The following GPM6A variants were observed in gnomAD, a reference collection of about 807,000 sequenced individuals.
GPM6A encodes the protein neuronal membrane glycoprotein M6-a.
Under a neutral mutation model 32.1 loss-of-function variants are expected in GPM6A, and 7 were observed. That is an observed-to-expected ratio of 0.22 (90% CI 0.12 to 0.41). The LOEUF is 0.41. GPM6A is among the 10% of genes least tolerant of loss of function. The pLI, the probability that GPM6A is intolerant of heterozygous loss-of-function variation, is 1.00. For missense variants in GPM6A, 235 were observed against 347.2 expected (o/e 0.68, Z 2.57); for synonymous variants, 130 against 123.4 (o/e 1.05, Z -0.35).
intron 1 of GPM6A, chr4:175,962,503 A>G (rs1179131795): frequency 7.1e-6 from 4 of 559,940 alleles, no homozygotes; most frequent in South Asian, 1.6e-5. Flanking sequence ...GCTGCCTATC[A>G]CTTCCCAGCA....
intron 2 of GPM6A, among the ~76,000 whole-genome samples, chr4:175,675,247 G>GTA (rs1482107859): frequency 2.0e-5 from 3 of 150,390 alleles, no homozygotes; most frequent in Non-Finnish European, 4.4e-5. Flanking sequence ...ATGTATATAT[G>GTA]TATATATATT....
At chr4:175,693,103 C>G (rs372382507) in intron 2 of GPM6A, among the ~76,000 whole-genome samples, 5 of 151,766 alleles carry the variant, frequency 3.3e-5, no homozygotes, top group East Asian at 3.9e-4. Context: ...TCTCACATAC[C>G]TTTCATATTT....
chr4:175,778,138 G>C (rs4690632), intron 1 of GPM6A, among the ~76,000 whole-genome samples: 65,479 of 151,924 alleles, frequency 0.43, 15,834 homozygotes, highest in East Asian at 0.88. Context: ...AAGACCACTA[G>C]GTTGGGCCCA....
intron 1 of GPM6A, among the ~76,000 whole-genome samples, chr4:175,839,830 A>G (rs906375373): frequency 6.6e-6 from 1 of 152,202 alleles, no homozygotes; most frequent in Non-Finnish European, 1.5e-5. Context: ...CCATCAAAAG[A>G]TACACAAACT....
intron 1 of GPM6A, among the ~76,000 whole-genome samples, chr4:175,910,269 CTACA>C (rs1738272144): frequency 1.3e-5 from 2 of 152,120 alleles, no homozygotes; most frequent in South Asian, 4.1e-4. Context: ...TATTCTTAGG[CTACA>C]TAAATTTCAA....
At chr4:175,815,041 CG>C (rs943030078), upstream of GPM6A, among the ~76,000 whole-genome samples, 3 of 151,758 alleles carry the variant, frequency 2.0e-5, no homozygotes, top group Non-Finnish European at 4.4e-5. Context: ...GATGGAGTCT[CG>C]TTCTTTTGCC....
intron 1 of GPM6A, among the ~76,000 whole-genome samples, chr4:175,986,107 C>T (rs1483392504): frequency 6.6e-6 from 1 of 152,132 alleles, no homozygotes; most frequent in Non-Finnish European, 1.5e-5. Flanking sequence ...ACCTGGCCTA[C>T]ATTTTATTAA....
chr4:175,690,501 G>C (rs1269609988), intron 2 of GPM6A, among the ~76,000 whole-genome samples: 1 of 152,176 alleles, frequency 6.6e-6, no homozygotes, highest in African/African-American at 2.4e-5. Context: ...CTGACATCAA[G>C]GTATTGGCAG....
At chr4:175,644,604 A>T (rs1289160916) in intron 4 of GPM6A, among the ~76,000 whole-genome samples, 2 of 152,036 alleles carry the variant, frequency 1.3e-5, no homozygotes, top group Non-Finnish European at 2.9e-5. Context: ...CTGCAGTGTA[A>T]ATTTGAAAAC....
At chr4:175,844,912 C>T (rs941612875) in intron 1 of GPM6A, among the ~76,000 whole-genome samples, 10 of 151,942 alleles carry the variant, frequency 6.6e-5, no homozygotes, top group Non-Finnish European at 1.3e-4. Context: ...TGAAGAGGGG[C>T]GTAGGTGATA....
intron 3 of GPM6A, among the ~76,000 whole-genome samples, chr4:175,656,265 T>A (rs1348882276): frequency 6.6e-6 from 1 of 152,120 alleles, no homozygotes; most frequent in South Asian, 2.1e-4. Flanking sequence ...GATTGGGTGC[T>A]ATATATTTAA....
intron 3 of GPM6A, among the ~76,000 whole-genome samples, chr4:175,667,758 A>G (rs1742828850): frequency 6.6e-6 from 1 of 152,204 alleles, no homozygotes. Context: ...GTAGGCAGTC[A>G]CAAATTATAT....
intron 6 of GPM6A, among the ~76,000 whole-genome samples, chr4:175,637,668 A>ATGT (rs377532531): frequency 4.7e-5 from 3 of 63,712 alleles, no homozygotes; most frequent in Non-Finnish European, 7.3e-5. Context: ...AATATATAAT[A>ATGT]TATATAATAT....
chr4:175,787,300 T>G (rs1362125436), intron 1 of GPM6A: 2 of 1,229,364 alleles, frequency 1.6e-6, no homozygotes, highest in Admixed American at 4.0e-5. Flanking sequence ...ATAGTTTCAC[T>G]GATAATACTC....
At chr4:175,951,460 G>T (rs188707541) in intron 1 of GPM6A, among the ~76,000 whole-genome samples, 2 of 152,244 alleles carry the variant, frequency 1.3e-5, no homozygotes, top group East Asian at 3.9e-4. Flanking sequence ...TGGCCTATAA[G>T]TCCGAAATTT....
At chr4:175,859,050 G>A (rs772187229) in intron 1 of GPM6A, among the ~76,000 whole-genome samples, 7 of 152,152 alleles carry the variant, frequency 4.6e-5, no homozygotes, top group Non-Finnish European at 7.3e-5. Context: ...GAAGATTAGT[G>A]ATTGCCTGGG....
chr4:175,915,358 C>T (rs111891424), intron 1 of GPM6A, among the ~76,000 whole-genome samples: 8,222 of 151,040 alleles, frequency 0.054, 346 homozygotes, highest in South Asian at 0.19. Context: ...GTGATCTCAG[C>T]TCACTGCAAC....
At chr4:175,931,208 T>C (rs1329453299) in intron 1 of GPM6A, among the ~76,000 whole-genome samples, 1 of 152,142 alleles carries the variant, frequency 6.6e-6, no homozygotes, top group African/African-American at 2.4e-5. Flanking sequence ...ACTATTATTG[T>C]GCCCATTTTA....
In GPM6A at chr4:175,957,849, G is replaced by A. The variant is rs371821592; in HGVS notation, c.-23+44460C>T. 4.6e-5 allele frequency among the ~76,000 whole-genome samples: 7 copies of A among 152,156 alleles called. No individual in the cohort carries two copies. In the East Asian group the frequency reaches 9.7e-4, roughly 21 times the overall value. ...TAACTTGTAATCCTAACATATCACC[G>A]ATATTTCACAGTTTCTAAGTAATTG... On this transcript the variant is annotated intron_variant, in intron 1 of 7. Coordinates refer to the GPM6A transcript ENST00000280187.
Sources: gnomAD v4.1 joint callset for allele counts (sites outside exome capture counted in the v4.1 genomes callset) on GRCh38, gnomAD v4.1.1 for gene constraint, MANE v1.5 for transcripts, NCBI Gene and HGNC (gene_info 2026-07-23, HGNC 2026-07-21) for gene names.